Variants in EGFLAM observed in about 807,000 individuals in gnomAD.
The protein encoded by EGFLAM is pikachurin.
EGFLAM carries 79 observed loss-of-function variants against 113.1 expected under a neutral mutation model. That is an observed-to-expected ratio of 0.70 (90% CI 0.58 to 0.84). The LOEUF (loss-of-function observed/expected upper bound fraction) is 0.84, where lower values mean the gene tolerates loss of function less well. Ranked by LOEUF, EGFLAM falls within the 40% of genes least tolerant of loss-of-function variation. EGFLAM has a pLI of 0.00. For synonymous variants in EGFLAM, 504 were observed against 487.6 expected (o/e 1.03, Z -0.44); for missense variants, 1,265 against 1,291.6 (o/e 0.98, Z 0.32).
chr5:38,416,444 T>A (rs562205404), intron 11 of EGFLAM, among the ~76,000 whole-genome samples: 1 of 152,258 alleles, frequency 6.6e-6, no homozygotes, highest in East Asian at 1.9e-4. Context: ...CCGAAACTGT[T>A]AAGGGCTGTC....
chr5:38,403,549 A>T (rs893647791), intron 6 of EGFLAM: 1 of 311,138 alleles, frequency 3.2e-6, no homozygotes, highest in African/African-American at 2.1e-5. Context: ...CTGACAACTG[A>T]GACGGCTGCA....
chr5:38,432,608 G>A (rs2561809), intron 15 of EGFLAM, among the ~76,000 whole-genome samples: 18,566 of 152,178 alleles, frequency 0.12, 2,803 homozygotes, highest in African/African-American at 0.36. Flanking sequence ...CTTTAGTCCA[G>A]GACAGAATTA....
chr5:38,407,958 A>G lies in EGFLAM; in HGVS notation c.1248+53A>G, dbSNP rs1009517660. On this transcript the variant is annotated intron_variant, in intron 9 of 21. Transcript: ENST00000322350. ...GCTTTTTGGACACTTTAACACAGCA[A>G]TGTGCTACATTCAAAGGCTGGGGGA... 1.8e-5 allele frequency: 24 copies of G among 1,370,660 alleles called. No individual in the cohort carries two copies. In the South Asian group the frequency reaches 2.7e-4, roughly 16 times the overall value. 84.9% of individuals were successfully genotyped at this position (1,370,660 alleles called of 1,614,324 possible).
intron 1 of EGFLAM, among the ~76,000 whole-genome samples, chr5:38,304,618 A>G (rs986893407): frequency 1.1e-4 from 17 of 152,232 alleles, no homozygotes; most frequent in South Asian, 4.1e-4. Context: ...CAGCTACAGT[A>G]AAGTTCACAG....
chr5:38,388,046 A>G (rs1013441561), intron 6 of EGFLAM, among the ~76,000 whole-genome samples: 18 of 152,210 alleles, frequency 1.2e-4, no homozygotes, highest in African/African-American at 4.1e-4. Flanking sequence ...TGTCTACCAG[A>G]GCCAGGCTTT....
chr5:38,305,517 A>T lies in EGFLAM; in HGVS notation c.98-32003A>T, dbSNP rs1387306434. 4 of 451,432 alleles carry T rather than the reference A, an allele frequency of 8.9e-6. No homozygotes were observed. The Admixed American group carries it at 9.5e-5, about 11-fold the overall frequency. 28.0% of individuals were successfully genotyped at this position (451,432 alleles called of 1,614,324 possible). On this transcript the variant is annotated intron_variant, in intron 1 of 21. Coordinates refer to ENST00000322350, the MANE Select transcript of EGFLAM (RefSeq NM_152403.4). ...CTGCAGGAAACAGAAGATCCAATCCAGGAGAGGGATATAAGAAGTCCCCAG... is the reference window on the plus strand; with the variant it reads ...CTGCAGGAAACAGAAGATCCAATCCTGGAGAGGGATATAAGAAGTCCCCAG...
At chr5:38,327,323 C>T (rs1267138707) in intron 1 of EGFLAM, among the ~76,000 whole-genome samples, 1 of 152,158 alleles carries the variant, frequency 6.6e-6, no homozygotes, top group African/African-American at 2.4e-5. Context: ...CCCACACCCA[C>T]ATGTCTTTTG....
intron 21 of EGFLAM, among the ~76,000 whole-genome samples, chr5:38,463,347 A>G (rs1351692855): frequency 6.6e-6 from 1 of 152,326 alleles, no homozygotes; most frequent in African/African-American, 2.4e-5. Flanking sequence ...AATGACTAGT[A>G]TTTCTGTAAA....
chr5:38,431,570 C>T (rs529241445), intron 15 of EGFLAM, among the ~76,000 whole-genome samples: 35 of 152,312 alleles, frequency 2.3e-4, no homozygotes, highest in African/African-American at 8.2e-4. Flanking sequence ...CTTCGCCTCC[C>T]AACTCCACCT....
intron 1 of EGFLAM, among the ~76,000 whole-genome samples, chr5:38,305,242 CAAG>C (rs1758693453): frequency 6.6e-6 from 1 of 152,006 alleles, no homozygotes; most frequent in Non-Finnish European, 1.5e-5. Flanking sequence ...AAAACAAAAA[CAAG>C]AAAAGTCAAG....
At position 38,433,189 on chromosome 5, in the gene EGFLAM, G is replaced by A. The variant is rs143033126; in HGVS notation, c.2166+1901G>A. Among the ~76,000 whole-genome samples the A allele has an allele frequency of 4.4e-3, 677 of 152,322 alleles. 3 individuals carry two copies. The highest frequency in any genetic ancestry group is 5.9e-3 in the Non-Finnish European group (403 of 68,030). ...GTCTTAGAGCTCAGAGACAGGTAGG[G>A]CAGGGGTTAGAGTACACTTTGAGGG... On this transcript the variant is annotated intron_variant, in intron 15 of 21. Coordinates refer to ENST00000322350, the MANE Select transcript of EGFLAM (RefSeq NM_152403.4).
At chr5:38,308,756 C>T (rs1758792587) in intron 1 of EGFLAM, among the ~76,000 whole-genome samples, 1 of 152,164 alleles carries the variant, frequency 6.6e-6, no homozygotes, top group South Asian at 2.1e-4. Context: ...TCAGGCCCAT[C>T]TCACCAAGGT....
chr5:38,330,298 T>C (rs1408312292), intron 1 of EGFLAM, among the ~76,000 whole-genome samples: 4 of 152,286 alleles, frequency 2.6e-5, no homozygotes, highest in African/African-American at 7.2e-5. Flanking sequence ...GTGGAGGCCA[T>C]TTTCCTGCTG....
chr5:38,449,684 G>A (rs912238536), intron 18 of EGFLAM, among the ~76,000 whole-genome samples: 1 of 152,082 alleles, frequency 6.6e-6, no homozygotes, highest in Non-Finnish European at 1.5e-5. Flanking sequence ...ATGTGTGTGT[G>A]TGTGTGTGTA....
chr5:38,323,142 T>C (rs1030969837), intron 1 of EGFLAM, among the ~76,000 whole-genome samples: 29 of 152,242 alleles, frequency 1.9e-4, no homozygotes, highest in Non-Finnish European at 3.7e-4. Context: ...TGGTTCTTTC[T>C]GTGAAAATCA....
chr5:38,319,665 G>A (rs1364187523), intron 1 of EGFLAM, among the ~76,000 whole-genome samples: 3 of 152,210 alleles, frequency 2.0e-5, no homozygotes, highest in Non-Finnish European at 4.4e-5. Flanking sequence ...GAATGGGGAA[G>A]ATGATGGGTT....
At chr5:38,283,312 GAGA>G (rs1433733658) in intron 1 of EGFLAM, among the ~76,000 whole-genome samples, 8 of 152,126 alleles carry the variant, frequency 5.3e-5, no homozygotes, top group Admixed American at 2.0e-4. Context: ...CATTTGTGCT[GAGA>G]AGAAGACCGG....
At chr5:38,447,812 C>T (rs936782172) in intron 17 of EGFLAM, among the ~76,000 whole-genome samples, 3 of 151,120 alleles carry the variant, frequency 2.0e-5, no homozygotes, top group Non-Finnish European at 2.9e-5. Context: ...ATCAGAAATG[C>T]GGGAGTCCAA....
At chr5:38,462,777 A>C (rs1166028827) in intron 20 of EGFLAM, 131 bp from the exon 21 acceptor site, 13 of 1,016,578 alleles carry the variant, frequency 1.3e-5, no homozygotes, top group Non-Finnish European at 1.6e-5. Context: ...TGATTTCTGC[A>C]GCCCCATCAT....
Sources: allele counts gnomAD v4.1 joint callset (sites outside exome capture counted in the v4.1 genomes callset), GRCh38; gene constraint gnomAD v4.1.1; transcripts MANE v1.5; gene names NCBI Gene and HGNC (gene_info 2026-07-23, HGNC 2026-07-21).